The following CYS1 variants were observed in gnomAD, a reference collection of about 807,000 sequenced individuals.
CYS1 encodes cystin 1.
CYS1 carries 5 observed loss-of-function variants against 9.6 expected under a neutral mutation model. The observed-to-expected ratio is 0.52, with a 90% CI of 0.27 to 1.10. CYS1 has a LOEUF of 1.10. Ranked by LOEUF, CYS1 falls within the 50% of genes least tolerant of loss-of-function variation. CYS1 has a pLI of 0.11. For missense variants in CYS1, 221 were observed against 207.9 expected, an observed-to-expected ratio of 1.06 and a Z score of -0.39; for synonymous variants, 88 against 95.7, an observed-to-expected ratio of 0.92 and a Z score of 0.47.
chr2:10,062,018 T>C (rs1022555274), intron 2 of CYS1, among the ~76,000 whole-genome samples: 1 of 152,174 alleles, frequency 6.6e-6, no homozygotes, highest in Non-Finnish European at 1.5e-5. Flanking sequence ...TCATGCTTTT[T>C]TTTTTTTTAG....
intron 2 of CYS1, among the ~76,000 whole-genome samples, chr2:10,060,595 G>A (rs1405108710): frequency 6.6e-6 from 1 of 152,260 alleles, no homozygotes; most frequent in Non-Finnish European, 1.5e-5. Context: ...CCAGTGCGCA[G>A]AAACAGCTGC....
chr2:10,078,271 C>T (rs981204856), intron 1 of CYS1, among the ~76,000 whole-genome samples: 1 of 152,172 alleles, frequency 6.6e-6, no homozygotes, highest in Non-Finnish European at 1.5e-5. Flanking sequence ...ATTGCAGACT[C>T]CCCCACCCAC....
rs1162933784 is a variant in CYS1 at position 10,057,352 on chromosome 2, CAGCTGCGA to C, written c.*1493_*1500del. 2 of 152,270 alleles carry C rather than the reference CAGCTGCGA, an allele frequency of 1.3e-5. No individual in the cohort carries two copies. Among genetic ancestry groups the C allele is most frequent in the Admixed American group, 1.3e-4 (2 of 15,294 alleles). The allele number at this position is 152,270 out of a possible 1,614,324, so 9.4% of individuals were successfully genotyped here. The stretch of plus-strand genomic sequence containing the variant: ...TCTGACTTCAAAAGTTGGAGTTTCC[CAGCTGCGA>C]ACAGCTGGTCAAAGGCACTCTCAAA... On this transcript the variant is annotated 3_prime_UTR_variant, in exon 3 of 3. Coordinates refer to ENST00000381813, the MANE Select transcript of CYS1 (RefSeq NM_001037160.3).
chr2:10,073,216 C>G (rs34177759), intron 1 of CYS1, among the ~76,000 whole-genome samples: 3 of 125,516 alleles, frequency 2.4e-5, no homozygotes, highest in South Asian at 2.7e-4. Flanking sequence ...ACCGCCCCCC[C>G]CCCCCCCCCG....
rs1661851306 is a variant in CYS1 at position 10,076,856 on chromosome 2, G to A, written c.318+3050C>T. Among the ~76,000 whole-genome samples, 2 of 152,016 alleles carry A rather than the reference G, an allele frequency of 1.3e-5. No homozygotes were observed. On this transcript the variant is annotated intron_variant, in intron 1 of 2. Coordinates refer to ENST00000381813, the MANE Select transcript of CYS1 (RefSeq NM_001037160.3). This position sits in a 1 kb window ranked among gnomAD's most constrained non-coding sequence, Gnocchi z 4.3. ...GGTTTAAATCCTCCCATGTTCTAAT[G>A]GCTTCTAAACGAACTCCAAACCTGA...
chr2:10,073,012 G>T (rs910971371), intron 1 of CYS1, among the ~76,000 whole-genome samples: 7 of 150,544 alleles, frequency 4.6e-5, no homozygotes, highest in African/African-American at 1.5e-4. Flanking sequence ...AGATGTGTGG[G>T]AGCAGAGCAG....
chr2:10,070,156 A>G (rs1661746285), intron 1 of CYS1, among the ~76,000 whole-genome samples: 1 of 152,288 alleles, frequency 6.6e-6, no homozygotes, highest in South Asian at 2.1e-4. Context: ...GGCAAGGGTA[A>G]GAAGGGATCG....
rs1054244719 is a variant in CYS1, at chr2:10,057,826, G to A, written c.*1027C>T. 6.6e-6 allele frequency: 1 copy of A among 152,398 alleles called. No individual in the cohort carries two copies. The highest frequency in any genetic ancestry group is 2.4e-5 in the African/African-American group (1 of 41,460). 9.4% of individuals were successfully genotyped at this position (152,398 alleles called of 1,614,324 possible). A position where few individuals can be genotyped will look rare whatever the true frequency, so the allele number is the denominator to read the frequency against. On this transcript the variant is annotated 3_prime_UTR_variant, in exon 3 of 3. Transcript: ENST00000381813. Reference sequence around the variant, plus strand: ...CCCGCCCACACAGGAGTCCCCTCTAGCCGGAGCTCCGCCCCCTGTTCCCAG... The same window carrying A: ...CCCGCCCACACAGGAGTCCCCTCTAACCGGAGCTCCGCCCCCTGTTCCCAG...
At position 10,058,463 on chromosome 2, in the gene CYS1, G is replaced by A. The variant is rs1211595367; in HGVS notation, c.*390C>T. ...CCTTCCACAGCAGAACCTTCCGGAA[G>A]TGTTGTGGCGCGGATGCCAGGAGGG... On this transcript the variant is annotated 3_prime_UTR_variant, in exon 3 of 3. Coordinates refer to ENST00000381813, the MANE Select transcript of CYS1 (RefSeq NM_001037160.3). 5.5e-6 allele frequency: 1 copy of A among 180,518 alleles called. No homozygotes were observed. The highest frequency in any genetic ancestry group is 1.4e-4 in the East Asian group (1 of 7,022). The allele number at this position is 180,518 out of a possible 1,614,324, so 11.2% of individuals were successfully genotyped here. A position where few individuals can be genotyped will look rare whatever the true frequency, so the allele number is the denominator to read the frequency against.
intron 1 of CYS1, among the ~76,000 whole-genome samples, chr2:10,078,339 G>C (rs1206821939): frequency 6.6e-6 from 1 of 152,162 alleles, no homozygotes; most frequent in East Asian, 1.9e-4. Flanking sequence ...CCTCCCTACA[G>C]TTGTCGGTGT....
At chr2:10,077,596 G>A (rs1661868010) in intron 1 of CYS1, among the ~76,000 whole-genome samples, 1 of 152,180 alleles carries the variant, frequency 6.6e-6, no homozygotes, top group Non-Finnish European at 1.5e-5. Context: ...AAGTCAAGGC[G>A]GGTGAATCAC....
chr2:10,079,605 A>G (rs1661909854), intron 1 of CYS1, among the ~76,000 whole-genome samples: 1 of 151,694 alleles, frequency 6.6e-6, no homozygotes, highest in African/African-American at 2.4e-5. Flanking sequence ...GCGGCCCGGG[A>G]AGGCCAGGCG....
chr2:10,062,838 G>A (rs760186260), intron 2 of CYS1, among the ~76,000 whole-genome samples: 1 of 152,190 alleles, frequency 6.6e-6, no homozygotes, highest in Non-Finnish European at 1.5e-5. Flanking sequence ...CCAAGGCCTG[G>A]CTTACAGTGG....
chr2:10,073,583 G>A (rs1320806891), intron 1 of CYS1, among the ~76,000 whole-genome samples: 1 of 152,206 alleles, frequency 6.6e-6, no homozygotes, highest in Non-Finnish European at 1.5e-5. Flanking sequence ...AATCGGAATG[G>A]GTGGCCTTGG....
At chr2:10,079,266 C>T (rs1341156516) in intron 1 of CYS1, among the ~76,000 whole-genome samples, 1 of 152,052 alleles carries the variant, frequency 6.6e-6, no homozygotes, top group South Asian at 2.1e-4. Flanking sequence ...GCCTCCCGGG[C>T]CTCAGGGAGG....
intron 1 of CYS1, among the ~76,000 whole-genome samples, chr2:10,074,772 C>G (rs114572398): frequency 0.018 from 2,810 of 152,286 alleles, 81 homozygotes; most frequent in African/African-American, 0.064. Flanking sequence ...GGTTTCTGCT[C>G]TCCGACATCA....
intron 1 of CYS1, among the ~76,000 whole-genome samples, chr2:10,069,104 C>T (rs572552228): frequency 3.9e-5 from 6 of 151,954 alleles, no homozygotes; most frequent in Admixed American, 3.3e-4. Flanking sequence ...ATAAAAGTCT[C>T]CAGGAAGGGA....
intron 1 of CYS1, among the ~76,000 whole-genome samples, chr2:10,066,246 C>A (rs1002135815): frequency 6.6e-6 from 1 of 152,134 alleles, no homozygotes; most frequent in South Asian, 2.1e-4. Context: ...TTGTCTCTCA[C>A]CCCCAGGGGT....
At chr2:10,072,316 C>T (rs1661778117) in intron 1 of CYS1, among the ~76,000 whole-genome samples, 1 of 152,210 alleles carries the variant, frequency 6.6e-6, no homozygotes. Flanking sequence ...CTCCTGACCT[C>T]AGGTGATCCG....
Sources: allele counts gnomAD v4.1 joint callset (sites outside exome capture counted in the v4.1 genomes callset), GRCh38; gene constraint gnomAD v4.1.1; non-coding constraint Gnocchi (gnomAD v3.1); transcripts MANE v1.5; gene names NCBI Gene and HGNC (gene_info 2026-07-23, HGNC 2026-07-21).